Variants in TUNAR observed in about 807,000 individuals in gnomAD.
TUNAR encodes protein TUNAR.
chr14:95,892,084 A>G (rs1325166060), intron 2 of TUNAR, among the ~76,000 whole-genome samples: 1 of 152,224 alleles, frequency 6.6e-6, no homozygotes, highest in African/African-American at 2.4e-5. Context: ...TTTCCAAACA[A>G]AGTCACAGGT....
At position 95,923,295 on chromosome 14, in the gene TUNAR, G is replaced by T. The variant is rs112798373; in HGVS notation, c.*329G>T. On this transcript the variant is annotated 3_prime_UTR_variant, in exon 3 of 3. Coordinates refer to ENST00000678517, the Ensembl canonical transcript of TUNAR. Reference sequence around the variant, plus strand: ...GTGCAGAAATTCATTATTCCAGATCGCTGACAGATATCACATATTTGAAAA... The same window carrying T: ...GTGCAGAAATTCATTATTCCAGATCTCTGACAGATATCACATATTTGAAAA... The T allele has an allele frequency of 6.1e-5, 13 of 211,668 alleles. No homozygotes were observed. In the South Asian group the frequency reaches 1.3e-3, roughly 21 times the overall value. 13.1% of individuals were successfully genotyped at this position (211,668 alleles called of 1,614,324 possible). A position where few individuals can be genotyped will look rare whatever the true frequency, so the allele number is the denominator to read the frequency against.
chr14:95,892,408 T>C (rs560436689), intron 2 of TUNAR, among the ~76,000 whole-genome samples: 3 of 152,370 alleles, frequency 2.0e-5, no homozygotes, highest in East Asian at 1.9e-4. Flanking sequence ...TGGGTGGCAG[T>C]GCGAGCACAT....
At chr14:95,892,163 A>T (rs1375485207) in intron 2 of TUNAR, among the ~76,000 whole-genome samples, 3 of 152,220 alleles carry the variant, frequency 2.0e-5, no homozygotes, top group Non-Finnish European at 4.4e-5. Flanking sequence ...AGACGCTGCC[A>T]GGGGGCCCCT....
chr14:95,893,595 G>A (rs1889213506), intron 2 of TUNAR, among the ~76,000 whole-genome samples: 1 of 151,686 alleles, frequency 6.6e-6, no homozygotes, highest in African/African-American at 2.4e-5. Flanking sequence ...CCATCAAGCA[G>A]CCAGCAGAGT....
chr14:95,884,280 C>A (rs1047727117), intron 2 of TUNAR, among the ~76,000 whole-genome samples: 6 of 152,054 alleles, frequency 3.9e-5, no homozygotes, highest in Non-Finnish European at 8.8e-5. Context: ...ACGATCTGGC[C>A]CTCCATCTCA....
intron 2 of TUNAR, among the ~76,000 whole-genome samples, chr14:95,921,999 T>TAACTTCCAG (rs1408333776): frequency 6.6e-6 from 1 of 152,174 alleles, no homozygotes; most frequent in Non-Finnish European, 1.5e-5. Context: ...CATATCTGGG[T>TAACTTCCAG]AACTTCCAGT....
At chr14:95,894,131 G>T (rs1024587817) in intron 2 of TUNAR, among the ~76,000 whole-genome samples, 1 of 152,260 alleles carries the variant, frequency 6.6e-6, no homozygotes, top group African/African-American at 2.4e-5. Flanking sequence ...CTGGGTTAGC[G>T]TCTGGCTTCG....
chr14:95,906,630 C>T (rs1386906422), intron 2 of TUNAR, among the ~76,000 whole-genome samples: 1 of 152,200 alleles, frequency 6.6e-6, no homozygotes, highest in Non-Finnish European at 1.5e-5. Flanking sequence ...TCCAAAATTA[C>T]TTAGGTGAGT....
chr14:95,905,648 G>A (rs530403613), intron 2 of TUNAR, among the ~76,000 whole-genome samples: 87 of 152,256 alleles, frequency 5.7e-4, no homozygotes, highest in Non-Finnish European at 9.8e-4. Context: ...TCTTTTCTTC[G>A]TAATTGATAA....
chr14:95,889,449 C>T (rs1004825900), intron 2 of TUNAR, among the ~76,000 whole-genome samples: 1 of 149,526 alleles, frequency 6.7e-6, no homozygotes, highest in Non-Finnish European at 1.5e-5. Flanking sequence ...CTCCACCCCT[C>T]ACCCCCTCCT....
At chr14:95,898,051 G>C (rs1355422295) in intron 2 of TUNAR, among the ~76,000 whole-genome samples, 1 of 151,988 alleles carries the variant, frequency 6.6e-6, no homozygotes. Context: ...GGTCATCTTG[G>C]GCTCACCGTC....
chr14:95,892,008 C>T (rs914827866), intron 2 of TUNAR, among the ~76,000 whole-genome samples: 2 of 152,374 alleles, frequency 1.3e-5, no homozygotes, highest in South Asian at 2.1e-4. Context: ...AGACATTAGT[C>T]ATTGGGTTTA....
intron 2 of TUNAR, among the ~76,000 whole-genome samples, chr14:95,906,880 C>T (rs1362811972): frequency 2.6e-5 from 4 of 152,194 alleles, no homozygotes; most frequent in South Asian, 4.1e-4. Context: ...GATCCTACCC[C>T]ACTCTTCTCT....
intron 2 of TUNAR, among the ~76,000 whole-genome samples, chr14:95,918,963 C>T (rs553899322): frequency 1.3e-5 from 2 of 152,304 alleles, no homozygotes; most frequent in South Asian, 2.1e-4. Flanking sequence ...CCCGGCATCA[C>T]GCTTGGAGGT....
rs528243237 is a variant in TUNAR at position 95,877,771 on chromosome 14, G to A, written c.12+594G>A. 2.6e-5 allele frequency among the ~76,000 whole-genome samples: 4 copies of A among 152,340 alleles called. No homozygotes were observed. In the South Asian group the frequency reaches 8.3e-4, roughly 32 times the overall value. ...TGTGTGTGAAAATACTTGCTCCAATGAGTATCTGTTCTGATGAAATAAATT... is the reference window on the plus strand; with the variant it reads ...TGTGTGTGAAAATACTTGCTCCAATAAGTATCTGTTCTGATGAAATAAATT... On this transcript the variant is annotated intron_variant, in intron 2 of 2. Coordinates refer to ENST00000678517, the Ensembl canonical transcript of TUNAR.
chr14:95,922,243 T>C (rs1044301233), intron 2 of TUNAR, among the ~76,000 whole-genome samples: 2 of 152,246 alleles, frequency 1.3e-5, no homozygotes, highest in Non-Finnish European at 2.9e-5. Flanking sequence ...ACACCGTGCA[T>C]AGACCCTTTA....
intron 2 of TUNAR, among the ~76,000 whole-genome samples, chr14:95,884,392 G>A (rs1380775897): frequency 6.6e-6 from 1 of 152,148 alleles, no homozygotes; most frequent in Non-Finnish European, 1.5e-5. Context: ...CAGGACCTGG[G>A]GACTGGCAAG....
intron 2 of TUNAR, among the ~76,000 whole-genome samples, chr14:95,899,382 A>G (rs1431101657): frequency 6.6e-6 from 1 of 152,194 alleles, no homozygotes; most frequent in Non-Finnish European, 1.5e-5. Context: ...CTCAGCTCTG[A>G]GATGGGGACC....
intron 2 of TUNAR, among the ~76,000 whole-genome samples, chr14:95,907,244 G>A (rs937577247): frequency 6.6e-6 from 1 of 152,194 alleles, no homozygotes; most frequent in Admixed American, 6.5e-5. Flanking sequence ...ATTTACAAAT[G>A]AGGCTGCAGT....
Sources: allele counts gnomAD v4.1 joint callset (sites outside exome capture counted in the v4.1 genomes callset), GRCh38; gene constraint gnomAD v4.1.1; transcripts MANE v1.5; gene names NCBI Gene and HGNC (gene_info 2026-07-23, HGNC 2026-07-21).